Variants in NUP210 observed in about 807,000 individuals in gnomAD.
The protein encoded by NUP210 is nucleoporin 210, also known as nuclear pore membrane glycoprotein 210.
Under a neutral mutation model 196.0 loss-of-function variants are expected in NUP210, and 151 were observed. The observed-to-expected ratio is 0.77, with a 90% CI of 0.67 to 0.88. NUP210 has a LOEUF of 0.88. Among genes scored for constraint, NUP210 ranks in the 40% least tolerant of loss-of-function variants. The pLI, the probability that NUP210 is intolerant of heterozygous loss-of-function variation, is 0.00. For missense variants in NUP210, 2,314 were observed against 2,493.7 expected (o/e 0.93, Z 1.53); for synonymous variants, 1,070 against 1,052.7 (o/e 1.02, Z -0.32).
At chr3:13,367,162 C>A (rs985359819) in intron 13 of NUP210, among the ~76,000 whole-genome samples, 2 of 151,338 alleles carry the variant, frequency 1.3e-5, no homozygotes, top group Admixed American at 6.6e-5. Context: ...CACGGCCGGG[C>A]ATGGTGGCTC....
chr3:13,383,483 G>A (rs1274366116), intron 6 of NUP210, among the ~76,000 whole-genome samples: 4 of 148,998 alleles, frequency 2.7e-5, no homozygotes, highest in Non-Finnish European at 5.9e-5. Context: ...AGTTCCTCTG[G>A]GCTGTGATAC....
rs1318212818 is a variant in NUP210, at chr3:13,330,542, C to T, written c.4028G>A (p.Gly1343Glu). ...GATGGTGGATGTCCCGATCATAGAC[C>T]CTGATGCTAGAAAGCCTTTCTCATC... ...HVDEKGFLASGSMIGTSTIEV... is the reference protein window; with the variant it reads ...HVDEKGFLASESMIGTSTIEV... Residue 1343 changes from glycine to glutamate, a missense_variant, in exon 30 of 40, where the codon GGG (glycine) becomes GAG (glutamate). Transcript: ENST00000254508. 1 of 1,614,102 alleles carries T rather than the reference C, an allele frequency of 6.2e-7. No individual in the cohort carries two copies.
rs754868891 is a variant in NUP210 at position 13,352,177 on chromosome 3, G to A, written c.2636C>T (p.Pro879Leu). Residue 879 changes from proline to leucine, a missense_variant, in exon 19 of 40, where the codon CCT (proline) becomes CTT (leucine). Transcript: ENST00000254508. ...SSARTKQPHDPLVPLSASIEL... is the reference protein window; with the variant it reads ...SSARTKQPHDLLVPLSASIEL... Reference sequence around the variant, plus strand: ...TATGGAGGCCGACAGAGGCACCAGAGGGTCATGCTGAAGGACAAGGGCAAG... The same window carrying A: ...TATGGAGGCCGACAGAGGCACCAGAAGGTCATGCTGAAGGACAAGGGCAAG... The A allele has an allele frequency of 5.6e-6, 9 of 1,612,542 alleles. No homozygotes were observed. Among genetic ancestry groups the A allele is most frequent in the Non-Finnish European group, 7.6e-6 (9 of 1,179,154 alleles).
At chr3:13,326,153 G>C (rs1028156403) in intron 32 of NUP210, among the ~76,000 whole-genome samples, 1 of 152,192 alleles carries the variant, frequency 6.6e-6, no homozygotes, top group Admixed American at 6.5e-5. Context: ...TGCTGCACCC[G>C]CCCTCTACAG....
chr3:13,372,996 G>T (rs551346909), intron 12 of NUP210, among the ~76,000 whole-genome samples: 3 of 152,292 alleles, frequency 2.0e-5, no homozygotes, highest in Non-Finnish European at 2.9e-5. Context: ...ATGAGAATCA[G>T]GCCTCACTTT....
chr3:13,363,300 G>T (rs910665193), intron 14 of NUP210, among the ~76,000 whole-genome samples: 1 of 152,178 alleles, frequency 6.6e-6, no homozygotes, highest in Non-Finnish European at 1.5e-5. Context: ...TCTGACTCTT[G>T]ATCCCATGCT....
Position 13,351,810 on chromosome 3 carries a change from T to C in NUP210, c.2835+69A>G, listed in dbSNP as rs1697982946. On this transcript the variant is annotated intron_variant, in intron 20 of 39. Transcript: ENST00000254508. Reference sequence around the variant, plus strand: ...AAGTGCTAGCTTTCAAAATGATCAATCAATTAACCACACAACAGCCCAGAT... The same window carrying C: ...AAGTGCTAGCTTTCAAAATGATCAACCAATTAACCACACAACAGCCCAGAT... 3 of 1,016,750 alleles carry C rather than the reference T, an allele frequency of 3.0e-6. 1 individual carries two copies. Among genetic ancestry groups the C allele is most frequent in the South Asian group, 2.8e-5 (2 of 72,210 alleles). The allele number at this position is 1,016,750 out of a possible 1,614,324, so 63.0% of individuals were successfully genotyped here.
At chr3:13,418,672 C>G (rs149476272) in intron 1 of NUP210, among the ~76,000 whole-genome samples, 13,927 of 152,022 alleles carry the variant, frequency 0.092, 850 homozygotes, top group Middle Eastern at 0.15. Context: ...CCTGTAATCC[C>G]AGCTACTCGG....
chr3:13,357,813 G>C lies in NUP210; in HGVS notation c.2328+409C>G, dbSNP rs368555409. On this transcript the variant is annotated intron_variant, in intron 16 of 39. Coordinates refer to ENST00000254508, the MANE Select transcript of NUP210 (RefSeq NM_024923.4). ...CCACATCATGGGGATGCTGTAGCTG[G>C]TCACCTCTCCTCAGCAGCCCCCACG... Among the ~76,000 whole-genome samples the C allele has an allele frequency of 1.2e-4, 18 of 152,198 alleles. 1 individual carries two copies. In the South Asian group the frequency reaches 2.5e-3, roughly 21 times the overall value.
rs571522987 is a variant in NUP210 at position 13,372,479 on chromosome 3, G to A, written c.1588-447C>T. 5.1e-4 allele frequency among the ~76,000 whole-genome samples: 78 copies of A among 152,288 alleles called. 1 individual carries two copies. Among genetic ancestry groups the A allele is most frequent in the Admixed American group, 3.9e-3 (60 of 15,306 alleles). On this transcript the variant is annotated intron_variant, in intron 12 of 39. Coordinates refer to ENST00000254508, the MANE Select transcript of NUP210 (RefSeq NM_024923.4). ...CCCACCACCCTGGCTTCTGTGTACCGATCAGCAGCCAGGTGAGCAGTGTGG... is the reference window on the plus strand; with the variant it reads ...CCCACCACCCTGGCTTCTGTGTACCAATCAGCAGCCAGGTGAGCAGTGTGG...
intron 1 of NUP210, among the ~76,000 whole-genome samples, chr3:13,402,855 C>T (rs1289940420): frequency 6.6e-6 from 1 of 152,222 alleles, no homozygotes; most frequent in Non-Finnish European, 1.5e-5. Context: ...AACATCCCCA[C>T]CAGAGTGGTG....
chr3:13,389,891 G>A (rs550696774), intron 4 of NUP210, among the ~76,000 whole-genome samples: 35 of 152,080 alleles, frequency 2.3e-4, no homozygotes, highest in African/African-American at 7.7e-4. Flanking sequence ...GACCCTGGCC[G>A]TGAGGGAACA....
chr3:13,330,685 G>T, intron 29 of NUP210, 51 bp from the exon 30 acceptor site: 1 of 1,535,082 alleles, frequency 6.5e-7, no homozygotes, highest in Non-Finnish European at 9.0e-7. Flanking sequence ...AGTGGGAGTG[G>T]GCCTGGATAC....
intron 2 of NUP210, among the ~76,000 whole-genome samples, chr3:13,399,265 C>CAAAAAAAAAAAAAAAAAA (rs35136269): frequency 1.5e-5 from 1 of 65,344 alleles, no homozygotes; most frequent in Non-Finnish European, 3.1e-5. Flanking sequence ...GACTCTGTCT[C>CAAAAAAAAAAAAAAAAAA]AAAAAAAAAA....
At chr3:13,408,549 G>A (rs1309837011) in intron 1 of NUP210, among the ~76,000 whole-genome samples, 1 of 152,100 alleles carries the variant, frequency 6.6e-6, no homozygotes, top group Non-Finnish European at 1.5e-5. Context: ...CAGCACTTTG[G>A]GATGCCAAGG....
chr3:13,388,289 C>A lies in NUP210; in HGVS notation c.684+14G>T, dbSNP rs368258772. 58 of 1,582,740 alleles carry A rather than the reference C, an allele frequency of 3.7e-5. No homozygotes were observed. In the African/African-American group the frequency reaches 6.8e-4, roughly 19 times the overall value. On this transcript the variant is annotated intron_variant, in intron 5 of 39. Coordinates refer to ENST00000254508, the MANE Select transcript of NUP210 (RefSeq NM_024923.4). ...CCCAGGAAGCCCACTGACACCCCAG[C>A]GCCCCAGGCCCACCTTGTAGACAGC...
Position 13,379,460 on chromosome 3 carries a change from A to T in NUP210, c.976+103T>A. The stretch of plus-strand genomic sequence containing the variant: ...CTGATTTTCAGACCGTTGAGGGGAA[A>T]CGGCTATTTTTAGCCCTGCCGAGCT... On this transcript the variant is annotated intron_variant, in intron 7 of 39. Transcript: ENST00000254508. This position sits in a 1 kb window ranked among gnomAD's most constrained non-coding sequence, Gnocchi z 4.2. 4 of 1,409,104 alleles carry T rather than the reference A, an allele frequency of 2.8e-6. No homozygotes were observed. The highest frequency in any genetic ancestry group is 4.0e-6 in the Non-Finnish European group (4 of 1,004,418). 87.3% of individuals were successfully genotyped at this position (1,409,104 alleles called of 1,614,324 possible). A position where few individuals can be genotyped will look rare whatever the true frequency, so the allele number is the denominator to read the frequency against.
At position 13,352,110 on chromosome 3, in the gene NUP210, C is replaced by T. The variant is rs1047311829; in HGVS notation, c.2703G>A (p.Glu901=). 3 of 1,613,966 alleles carry T rather than the reference C, an allele frequency of 1.9e-6. No homozygotes were observed. The African/African-American group carries it at 4.0e-5, about 22-fold the overall frequency. ...TGCCAGGGTGGTTGTAGATGGTCAC[C>T]TCTTCTGGGCTCACCCTCACGTCCT... is the stretch of plus-strand genomic sequence containing the variant. ...LVEDVRVSPE[E]VTIYNHPGIQ... is the part of the protein sequence containing the mutation. Residue 901 remains glutamate, a synonymous_variant, in exon 19 of 40, where the codon GAG becomes GAA. Coordinates refer to ENST00000254508, the MANE Select transcript of NUP210 (RefSeq NM_024923.4).
In NUP210 at chr3:13,352,112, C is replaced by T; in HGVS notation, c.2701G>A (p.Glu901Lys). 6.2e-7 allele frequency: 1 copy of T among 1,614,136 alleles called. No homozygotes were observed. The highest frequency in any genetic ancestry group is 8.5e-7 in the Non-Finnish European group (1 of 1,180,002). The change falls in exon 19 of 40, where the codon GAG (glutamate) becomes AAG (lysine). Residue 901 changes from glutamate (E) to lysine (K), a missense_variant. Transcript: ENST00000254508. ...LVEDVRVSPEEVTIYNHPGIQ... is the reference protein window; with the variant it reads ...LVEDVRVSPEKVTIYNHPGIQ... ...CCAGGGTGGTTGTAGATGGTCACCT[C>T]TTCTGGGCTCACCCTCACGTCCTCC... is the stretch of plus-strand genomic sequence containing the variant.
Sources: allele counts gnomAD v4.1 joint callset (sites outside exome capture counted in the v4.1 genomes callset), GRCh38; gene constraint gnomAD v4.1.1; non-coding constraint Gnocchi (gnomAD v3.1); transcripts MANE v1.5; gene names NCBI Gene and HGNC (gene_info 2026-07-23, HGNC 2026-07-21).